The following TTC39C variants were observed in gnomAD, a reference collection of about 807,000 sequenced individuals.
TTC39C encodes the protein tetratricopeptide repeat domain 39C.
TTC39C carries 33 observed loss-of-function variants against 76.3 expected under a neutral mutation model. The observed-to-expected ratio is 0.43, with a 90% confidence interval of 0.33 to 0.58. The LOEUF (loss-of-function observed/expected upper bound fraction) is 0.58, where lower values mean the gene tolerates loss of function less well. TTC39C is among the 20% of genes least tolerant of loss of function. The pLI, the probability that TTC39C is intolerant of heterozygous loss-of-function variation, is 0.04. For missense variants in TTC39C, 595 were observed against 701.4 expected (o/e 0.85, Z 1.71); for synonymous variants, 254 against 260.6 (o/e 0.97, Z 0.24).
intron 1 of TTC39C, among the ~76,000 whole-genome samples, chr18:24,052,629 A>G (rs2083965856): frequency 6.6e-6 from 1 of 152,226 alleles, no homozygotes. Flanking sequence ...CTGGAAAACT[A>G]TAAATTATTT....
chr18:24,016,209 T>TC (rs373554563), intron 1 of TTC39C, among the ~76,000 whole-genome samples: 1 of 152,092 alleles, frequency 6.6e-6, no homozygotes, highest in Non-Finnish European at 1.5e-5. Flanking sequence ...GGTGATTTTT[T>TC]CCCCCCTTTG....
intron 6 of TTC39C, among the ~76,000 whole-genome samples, chr18:24,093,306 C>T (rs962878531): frequency 7.2e-5 from 11 of 151,924 alleles, no homozygotes; most frequent in Admixed American, 3.3e-4. Flanking sequence ...GGTGAAACCC[C>T]GTCTCTACTA....
chr18:24,098,946 T>G (rs2084636186), intron 6 of TTC39C, among the ~76,000 whole-genome samples: 1 of 151,862 alleles, frequency 6.6e-6, no homozygotes, highest in African/African-American at 2.4e-5. Context: ...CTTTCTTTTT[T>G]TAATCGAGTG....
In TTC39C at chr18:24,131,631, G is replaced by A. The variant is rs556888800; in HGVS notation, c.1624-251G>A. Among the ~76,000 whole-genome samples the A allele has an allele frequency of 5.9e-5, 9 of 151,380 alleles. No homozygotes were observed. The East Asian group carries it at 1.2e-3, about 20-fold the overall frequency. On this transcript the variant is annotated intron_variant, in intron 12 of 13. Coordinates refer to ENST00000317571, the MANE Select transcript of TTC39C (RefSeq NM_001135993.2). ...TAAGGCAGGAGAATTGCTTGAACAC[G>A]GGAGGCAGAGGTTGCAGTGAGCCAA...
At chr18:24,116,260 AG>A (rs2084889883) in intron 7 of TTC39C, among the ~76,000 whole-genome samples, 1 of 152,226 alleles carries the variant, frequency 6.6e-6, no homozygotes, top group African/African-American at 2.4e-5. Flanking sequence ...TAATCAGCCC[AG>A]GCCGGGCACG....
intron 4 of TTC39C, 110 bp downstream of exon 4, chr18:24,069,381 C>G: frequency 1.2e-6 from 1 of 852,912 alleles, no homozygotes; most frequent in Non-Finnish European, 1.8e-6. Flanking sequence ...TGTGGCACCT[C>G]TTTGGGGCAT....
chr18:24,025,475 T>G (rs2083588043), intron 1 of TTC39C, among the ~76,000 whole-genome samples: 1 of 152,254 alleles, frequency 6.6e-6, no homozygotes, highest in African/African-American at 2.4e-5. Flanking sequence ...CAAATCTTGA[T>G]AAACTGTGTA....
In TTC39C at chr18:24,041,056, G is replaced by A. The variant is rs191702351; in HGVS notation, c.168-23084G>A. On this transcript the variant is annotated intron_variant, in intron 1 of 13. Coordinates refer to ENST00000317571, the MANE Select transcript of TTC39C (RefSeq NM_001135993.2). ...ATTGAGTTCAGGGAAAAAAGTAGGG[G>A]ATCTGAGGGTCTGTTGGATTACTAG... Among the ~76,000 whole-genome samples the A allele has an allele frequency of 1.7e-3, 262 of 152,270 alleles. 3 individuals are homozygous for A. The highest frequency in any genetic ancestry group is 2.4e-3 in the Non-Finnish European group (162 of 68,020).
chr18:24,111,585 C>A (rs925099407), intron 6 of TTC39C, among the ~76,000 whole-genome samples: 3 of 142,332 alleles, frequency 2.1e-5, no homozygotes, highest in Non-Finnish European at 4.6e-5. Flanking sequence ...AAAAAAAGAT[C>A]ATTTTTTCTT....
chr18:24,057,093 G>A (rs1304502998), intron 1 of TTC39C, among the ~76,000 whole-genome samples: 1 of 39,460 alleles, frequency 2.5e-5, no homozygotes, highest in African/African-American at 5.0e-5. Context: ...TATCAAGTCA[G>A]GGCCAGTCTT....
At chr18:24,075,527 A>G (rs1197257423) in intron 4 of TTC39C, among the ~76,000 whole-genome samples, 1 of 151,894 alleles carries the variant, frequency 6.6e-6, no homozygotes, top group Non-Finnish European at 1.5e-5. Context: ...TACTAAAAAT[A>G]CAAAAAATCA....
rs182592164 is a variant in TTC39C at position 23,997,458 on chromosome 18, G to A, written c.-17+4420G>A. Among the ~76,000 whole-genome samples the A allele has an allele frequency of 2.8e-3, 416 of 147,550 alleles. 5 individuals carry two copies. Among genetic ancestry groups the A allele is most frequent in the Admixed American group, 7.3e-3 (105 of 14,456 alleles). On this transcript the variant is annotated intron_variant, in intron 1 of 13. Coordinates refer to the TTC39C transcript ENST00000304621. ...CCCAGCTACTCAGGAGGCTGAGACAGGGAGAACTGCTTGAAGCCAGGAGGC... is the reference window on the plus strand; with the variant it reads ...CCCAGCTACTCAGGAGGCTGAGACAAGGAGAACTGCTTGAAGCCAGGAGGC...
At chr18:24,123,536 A>G (rs1340352919) in intron 8 of TTC39C, 1 of 209,338 alleles carries the variant, frequency 4.8e-6, no homozygotes, top group African/African-American at 2.3e-5. Flanking sequence ...CCTCGCAAGT[A>G]GCTGGGATTA....
At chr18:24,073,820 A>C (rs1568427421) in intron 4 of TTC39C, among the ~76,000 whole-genome samples, 1 of 152,180 alleles carries the variant, frequency 6.6e-6, no homozygotes, top group Admixed American at 6.5e-5. Flanking sequence ...ATGCCCAGCC[A>C]ATCTGGCCTT....
intron 6 of TTC39C, among the ~76,000 whole-genome samples, chr18:24,106,891 G>A (rs1467592741): frequency 6.6e-6 from 1 of 152,126 alleles, no homozygotes; most frequent in African/African-American, 2.4e-5. Flanking sequence ...CACCATGTTG[G>A]CCAGGCTGGT....
At chr18:24,105,412 C>A (rs1013741555) in intron 6 of TTC39C, among the ~76,000 whole-genome samples, 1 of 152,156 alleles carries the variant, frequency 6.6e-6, no homozygotes, top group Non-Finnish European at 1.5e-5. Context: ...GGTATTTATA[C>A]AAATTACTGT....
intron 1 of TTC39C, among the ~76,000 whole-genome samples, chr18:24,031,854 GAATAA>G (rs933604889): frequency 6.6e-6 from 1 of 152,156 alleles, no homozygotes; most frequent in Non-Finnish European, 1.5e-5. Flanking sequence ...GTAAGGAAAA[GAATAA>G]AAGGTGCCTT....
chr18:24,080,783 G>A lies in TTC39C; in HGVS notation c.659G>A (p.Ser220Asn). 6.2e-7 allele frequency: 1 copy of A among 1,614,160 alleles called. No homozygotes were observed. Among genetic ancestry groups the A allele is most frequent in the Non-Finnish European group, 8.5e-7 (1 of 1,180,020 alleles). Reference protein sequence around the residue: ...ESLNRLKGAVSFGYGLFHLCI... With the variant: ...ESLNRLKGAVNFGYGLFHLCI... The stretch of plus-strand genomic sequence containing the variant: ...CTGAACAGACTGAAAGGTGCTGTTA[G>A]CTTTGGATATGGCCTTTTTCACCTT... The change falls in exon 5 of 14, where the codon AGC becomes AAC. Residue 220 changes from serine to asparagine, a missense_variant. Coordinates refer to ENST00000317571, the MANE Select transcript of TTC39C (RefSeq NM_001135993.2).
intron 4 of TTC39C, among the ~76,000 whole-genome samples, chr18:24,076,239 A>G (rs547768616): frequency 2.0e-5 from 3 of 152,094 alleles, no homozygotes; most frequent in African/African-American, 7.2e-5. Context: ...CTCAGCCTCC[A>G]AAAGTGCTGG....
Sources: gnomAD v4.1 joint callset for allele counts (sites outside exome capture counted in the v4.1 genomes callset) on GRCh38, gnomAD v4.1.1 for gene constraint, MANE v1.5 for transcripts, NCBI Gene and HGNC (gene_info 2026-07-23, HGNC 2026-07-21) for gene names.